Variants in GRK3 observed in about 807,000 individuals in gnomAD.
The protein encoded by GRK3 is G protein-coupled receptor kinase 3.
A neutral mutation model predicts 95.7 loss-of-function variants in GRK3; 54 were observed. The ratio of observed to expected loss-of-function variants is 0.56; its 90% CI spans 0.45 to 0.71. The LOEUF (loss-of-function observed/expected upper bound fraction) is 0.71. Among genes scored for constraint, GRK3 ranks in the 30% least tolerant of loss-of-function variants. GRK3 has a pLI of 0.00. For missense variants in GRK3, 649 were observed against 851.2 expected, an observed-to-expected ratio of 0.76 and a Z score of 2.96; for synonymous variants, 281 against 290.8, an observed-to-expected ratio of 0.97 and a Z score of 0.34.
intron 1 of GRK3, among the ~76,000 whole-genome samples, chr22:25,584,886 C>G (rs1285672945): frequency 6.6e-6 from 1 of 152,284 alleles, no homozygotes; most frequent in Non-Finnish European, 1.5e-5. Context: ...ATGGCTTAAG[C>G]TGTTGTAACC....
intron 1 of GRK3, among the ~76,000 whole-genome samples, chr22:25,578,689 G>A (rs1289236645): frequency 1.3e-5 from 2 of 152,136 alleles, no homozygotes; most frequent in Admixed American, 6.5e-5. Context: ...GAAGGAGGAA[G>A]GGGCCATGGA....
At chr22:25,657,066 C>A (rs1365935639) in intron 3 of GRK3, among the ~76,000 whole-genome samples, 1 of 152,054 alleles carries the variant, frequency 6.6e-6, no homozygotes, top group African/African-American at 2.4e-5. Context: ...AAGAGAGGGG[C>A]AGGTAGTGTG....
chr22:25,623,881 A>AT (rs1011093862), intron 2 of GRK3, among the ~76,000 whole-genome samples: 2 of 151,902 alleles, frequency 1.3e-5, no homozygotes, highest in African/African-American at 4.8e-5. Context: ...TCCTATATTA[A>AT]TTTTTTTCTT....
chr22:25,613,794 C>G (rs541835288), intron 2 of GRK3, among the ~76,000 whole-genome samples: 1 of 152,192 alleles, frequency 6.6e-6, no homozygotes, highest in Non-Finnish European at 1.5e-5. Context: ...CACATGCCCC[C>G]GCAGTGCAGC....
At chr22:25,668,066 A>G (rs1356340526) in intron 6 of GRK3, among the ~76,000 whole-genome samples, 12 of 152,242 alleles carry the variant, frequency 7.9e-5, no homozygotes, top group African/African-American at 2.9e-4. Context: ...TCAATTTTAA[A>G]AAGTATCTTA....
At chr22:25,682,478 G>A (rs1472430792) in intron 9 of GRK3, among the ~76,000 whole-genome samples, 1 of 152,142 alleles carries the variant, frequency 6.6e-6, no homozygotes, top group East Asian at 1.9e-4. Context: ...TTTAAGGGGG[G>A]CTGAGCCTCC....
At chr22:25,673,131 T>A (rs111635127) in intron 7 of GRK3, among the ~76,000 whole-genome samples, 2 of 150,608 alleles carry the variant, frequency 1.3e-5, no homozygotes, top group East Asian at 4.0e-4. Context: ...GCGCGATCTC[T>A]GCTCACTGCA....
chr22:25,723,553 C>A lies in GRK3; in HGVS notation c.*1103C>A, dbSNP rs2085450921. ...CAGTGAGGACCTTAGGGCATGAAGCCTTTTTCCTGGTCCCAGCAGCATCTG... is the reference window on the plus strand; with the variant it reads ...CAGTGAGGACCTTAGGGCATGAAGCATTTTTCCTGGTCCCAGCAGCATCTG... On this transcript the variant is annotated 3_prime_UTR_variant, in exon 21 of 21. Coordinates refer to ENST00000324198, the MANE Select transcript of GRK3 (RefSeq NM_005160.4). The A allele has an allele frequency of 6.6e-6, 1 of 152,136 alleles. No homozygotes were observed. Among genetic ancestry groups the A allele is most frequent in the Admixed American group, 6.5e-5 (1 of 15,268 alleles). The allele number at this position is 152,136 out of a possible 1,614,324, so 9.4% of individuals were successfully genotyped here.
intron 2 of GRK3, among the ~76,000 whole-genome samples, chr22:25,613,691 G>GTCT (rs1199971521): frequency 6.6e-6 from 1 of 151,944 alleles, no homozygotes; most frequent in Non-Finnish European, 1.5e-5. Context: ...TGGCAAGTCC[G>GTCT]TCTTCTTTTC....
At chr22:25,660,828 C>G (rs1013218657) in intron 3 of GRK3, among the ~76,000 whole-genome samples, 6 of 152,142 alleles carry the variant, frequency 3.9e-5, no homozygotes, top group South Asian at 4.1e-4. Context: ...AAATTGGGAA[C>G]AATTCTGAGG....
chr22:25,587,846 G>A (rs1255659491), intron 1 of GRK3, among the ~76,000 whole-genome samples: 1 of 152,200 alleles, frequency 6.6e-6, no homozygotes, highest in African/African-American at 2.4e-5. Flanking sequence ...TGCTATGTAA[G>A]ACGTACCCTT....
intron 2 of GRK3, among the ~76,000 whole-genome samples, chr22:25,611,831 CTTTTTTTTT>C (rs752711382): frequency 8.4e-6 from 1 of 118,778 alleles, no homozygotes; most frequent in South Asian, 2.8e-4. Context: ...AGTTTAGTGT[CTTTTTTTTT>C]TTTTTTTTTT....
At chr22:25,580,755 G>C (rs1932070269) in intron 1 of GRK3, among the ~76,000 whole-genome samples, 1 of 152,128 alleles carries the variant, frequency 6.6e-6, no homozygotes, top group Non-Finnish European at 1.5e-5. Context: ...GGATGGTCTT[G>C]AACTCCTGAC....
Position 25,626,281 on chromosome 22 carries a change from G to A in GRK3, c.191-18311G>A, listed in dbSNP as rs79672251. 8.8e-3 allele frequency among the ~76,000 whole-genome samples: 1,344 copies of A among 152,300 alleles called. 6 individuals carry two copies. Among genetic ancestry groups the A allele is most frequent in the Middle Eastern group, 0.02 (6 of 294 alleles). On this transcript the variant is annotated intron_variant, in intron 2 of 20. Transcript: ENST00000324198. ...TAGCCCACGCACCTGTCTCCAAGTC[G>A]TCTTGCCGTAGGACTTGCAGATGTT...
At chr22:25,642,897 A>G (rs916296813) in intron 2 of GRK3, among the ~76,000 whole-genome samples, 2 of 152,228 alleles carry the variant, frequency 1.3e-5, no homozygotes, top group Non-Finnish European at 2.9e-5. Flanking sequence ...TTCAAGTGCC[A>G]TACAGCATTC....
At chr22:25,583,343 C>A (rs988992008) in intron 1 of GRK3, among the ~76,000 whole-genome samples, 1 of 147,796 alleles carries the variant, frequency 6.8e-6, no homozygotes, top group African/African-American at 2.5e-5. Context: ...TGTGGCCTGG[C>A]GTTTTTCTGT....
Position 25,714,429 on chromosome 22 carries a change from CTCT to C in GRK3, c.1514_1516del (p.Leu505_Tyr506delinsHis). 6.2e-7 allele frequency: 1 copy of C among 1,608,016 alleles called. No individual in the cohort carries two copies. Among genetic ancestry groups the C allele is most frequent in the Non-Finnish European group, 8.5e-7 (1 of 1,178,472 alleles). On this transcript the variant is annotated inframe_deletion, in exon 18 of 21. Transcript: ENST00000324198. ...TCAGCTACTTGATTGCGACCAAGAA[CTCT>C]ACAAGAACTTCCCTTTGGTCATCTC...
chr22:25,633,551 G>T (rs2084679150), intron 2 of GRK3, among the ~76,000 whole-genome samples: 2 of 151,608 alleles, frequency 1.3e-5, no homozygotes, highest in African/African-American at 2.4e-5. Context: ...TAAGTGTTGG[G>T]TTTTTTTAAT....
intron 1 of GRK3, among the ~76,000 whole-genome samples, chr22:25,572,279 C>T (rs944063858): frequency 4.6e-5 from 7 of 152,080 alleles, no homozygotes; most frequent in African/African-American, 1.7e-4. Flanking sequence ...TGGGTTGGTT[C>T]CAAGTCTTTG....
Sources: gnomAD v4.1 joint callset for allele counts (sites outside exome capture counted in the v4.1 genomes callset) on GRCh38, gnomAD v4.1.1 for gene constraint, MANE v1.5 for transcripts, NCBI Gene and HGNC (gene_info 2026-07-23, HGNC 2026-07-21) for gene names.